SPIRE1: variants seen among roughly 807,000 people sequenced by gnomAD.
SPIRE1 encodes the protein protein spire homolog 1.
A neutral mutation model predicts 94.1 loss-of-function variants in SPIRE1; 40 were observed. The observed-to-expected ratio is 0.43, with a 90% confidence interval of 0.33 to 0.55. The LOEUF (loss-of-function observed/expected upper bound fraction) is 0.55. Ranked by LOEUF, SPIRE1 falls within the 20% of genes least tolerant of loss-of-function variation. The pLI, the probability that SPIRE1 is intolerant of heterozygous loss-of-function variation, is 0.06. For missense variants in SPIRE1, 838 were observed against 975.2 expected (o/e 0.86, Z 1.87); for synonymous variants, 376 against 371.7 (o/e 1.01, Z -0.13).
At chr18:12,571,707 T>G (rs1217925657) in intron 2 of SPIRE1, among the ~76,000 whole-genome samples, 2 of 152,226 alleles carry the variant, frequency 1.3e-5, no homozygotes, top group African/African-American at 4.8e-5. Flanking sequence ...ACTCTATCCC[T>G]TCAAAAGCAT....
At chr18:12,646,526 C>A (rs1325907980) in intron 1 of SPIRE1, among the ~76,000 whole-genome samples, 1 of 152,050 alleles carries the variant, frequency 6.6e-6, no homozygotes, top group African/African-American at 2.4e-5. Flanking sequence ...GGTATTTTCA[C>A]TAAAAATCCA....
At chr18:12,478,602 A>G (rs1307781491) in intron 10 of SPIRE1, among the ~76,000 whole-genome samples, 3 of 150,880 alleles carry the variant, frequency 2.0e-5, no homozygotes, top group East Asian at 2.0e-4. Flanking sequence ...GTGTGTGTGT[A>G]GCTAGGGTGT....
chr18:12,466,373 C>G (rs1473453737), intron 10 of SPIRE1, among the ~76,000 whole-genome samples: 2 of 152,008 alleles, frequency 1.3e-5, no homozygotes, highest in African/African-American at 2.4e-5. Flanking sequence ...GCCTCCCGGG[C>G]TCAAGCAATT....
chr18:12,472,367 C>CT (rs964687204), intron 10 of SPIRE1, among the ~76,000 whole-genome samples: 3,989 of 134,968 alleles, frequency 0.03, 114 homozygotes, highest in African/African-American at 0.045. Context: ...ATGCCCTGTG[C>CT]TTTTTTTTTT....
At chr18:12,656,409 T>C (rs760826346) in intron 1 of SPIRE1, among the ~76,000 whole-genome samples, 2 of 152,142 alleles carry the variant, frequency 1.3e-5, no homozygotes, top group East Asian at 1.9e-4. Context: ...AAATAAAAGA[T>C]AAAAGCATGT....
chr18:12,596,417 T>C (rs1447702921), intron 2 of SPIRE1, among the ~76,000 whole-genome samples: 1 of 152,172 alleles, frequency 6.6e-6, no homozygotes, highest in Non-Finnish European at 1.5e-5. Context: ...TTAAATATAA[T>C]AGGAACAATC....
rs1009142936 is a variant in SPIRE1 at position 12,548,609 on chromosome 18, T to C, written c.373-1705A>G. On this transcript the variant is annotated intron_variant, in intron 2 of 16. Transcript: ENST00000409402. ...CTGTAGCCATTCTTTTCTTTCTTTT[T>C]TTTTTTTTTCTTCTTCTTTTGAGAC... is the stretch of plus-strand genomic sequence containing the variant. Among the ~76,000 whole-genome samples, 154 of 151,926 alleles carry C rather than the reference T, an allele frequency of 1.0e-3. 1 individual carries two copies. Among genetic ancestry groups the C allele is most frequent in the African/African-American group, 3.4e-3 (142 of 41,468 alleles).
At chr18:12,506,720 T>A in intron 5 of SPIRE1, 79 bp from the exon 6 acceptor site, 2 of 1,337,332 alleles carry the variant, frequency 1.5e-6, no homozygotes, top group Non-Finnish European at 1.0e-6. Flanking sequence ...ACAGAATAAA[T>A]GAAGAGCTTG....
intron 2 of SPIRE1, among the ~76,000 whole-genome samples, chr18:12,627,767 T>A (rs1298436072): frequency 2.0e-5 from 3 of 152,232 alleles, no homozygotes; most frequent in African/African-American, 4.8e-5. Flanking sequence ...TATGAGATGG[T>A]ATCTCATTGT....
At chr18:12,538,876 T>C (rs1053318109) in intron 3 of SPIRE1, among the ~76,000 whole-genome samples, 9 of 152,140 alleles carry the variant, frequency 5.9e-5, no homozygotes, top group African/African-American at 9.7e-5. Flanking sequence ...GTAAGTCTTG[T>C]TGTTTCTACC....
chr18:12,557,206 C>T (rs974982520), intron 2 of SPIRE1, among the ~76,000 whole-genome samples: 13 of 152,280 alleles, frequency 8.5e-5, no homozygotes, highest in Admixed American at 2.6e-4. Context: ...GGGTGGCGCC[C>T]GTCGGGGAGG....
rs74722828 is a variant in SPIRE1 at position 12,507,208 on chromosome 18, G to A, written c.808-567C>T. 7.1e-3 allele frequency among the ~76,000 whole-genome samples: 1,078 copies of A among 152,264 alleles called. 9 individuals carry two copies. The highest frequency in any genetic ancestry group is 0.011 in the Non-Finnish European group (779 of 68,028). On this transcript the variant is annotated intron_variant, in intron 5 of 16. Coordinates refer to ENST00000409402, the MANE Select transcript of SPIRE1 (RefSeq NM_001128626.2). ...GTTAGTAAGTGCTTTTGCTTTATGC[G>A]GCTGTGATTTTGTAGTGGTTAGTTA...
chr18:12,523,418 T>C (rs2034418120), intron 4 of SPIRE1, among the ~76,000 whole-genome samples: 1 of 152,236 alleles, frequency 6.6e-6, no homozygotes, highest in African/African-American at 2.4e-5. Flanking sequence ...ATAAATCTAG[T>C]TGATAAAGCA....
chr18:12,512,663 G>A (rs569621511), intron 4 of SPIRE1, 132 bp from the exon 5 acceptor site: 19 of 614,042 alleles, frequency 3.1e-5, no homozygotes, highest in Non-Finnish European at 4.8e-5. Flanking sequence ...CTATTGCTCC[G>A]TAAACTCTAG....
intron 1 of SPIRE1, among the ~76,000 whole-genome samples, chr18:12,651,946 C>T (rs2038390539): frequency 6.6e-6 from 1 of 152,172 alleles, no homozygotes; most frequent in Non-Finnish European, 1.5e-5. Flanking sequence ...TTCTACCAAC[C>T]TTAAGATTAT....
At chr18:12,654,912 C>CA (rs1459368749) in intron 1 of SPIRE1, among the ~76,000 whole-genome samples, 3 of 151,836 alleles carry the variant, frequency 2.0e-5, no homozygotes, top group African/African-American at 7.3e-5. Flanking sequence ...CCTATAGTCC[C>CA]AGCTGCTCGG....
At chr18:12,578,462 T>C (rs537841848) in intron 2 of SPIRE1, among the ~76,000 whole-genome samples, 1 of 152,336 alleles carries the variant, frequency 6.6e-6, no homozygotes, top group East Asian at 1.9e-4. Flanking sequence ...ACATTCTGTA[T>C]AGTTCAATTT....
chr18:12,510,814 A>G (rs2034011983), intron 5 of SPIRE1, among the ~76,000 whole-genome samples: 1 of 152,144 alleles, frequency 6.6e-6, no homozygotes, highest in Admixed American at 6.5e-5. Context: ...TGCTGGGATT[A>G]CAGGTGTGAG....
intron 6 of SPIRE1, among the ~76,000 whole-genome samples, chr18:12,503,326 G>A (rs566546133): frequency 4.8e-4 from 73 of 152,114 alleles, no homozygotes; most frequent in African/African-American, 1.2e-3. Context: ...ATTTCACAGC[G>A]CGCATCCGAC....
Sources: allele counts gnomAD v4.1 joint callset (sites outside exome capture counted in the v4.1 genomes callset), GRCh38; gene constraint gnomAD v4.1.1; transcripts MANE v1.5; gene names NCBI Gene and HGNC (gene_info 2026-07-23, HGNC 2026-07-21).